Variants in SLIT3 observed in about 807,000 individuals in gnomAD.
The protein encoded by SLIT3 is slit guidance ligand 3, also known as slit homolog 3 protein.
A neutral mutation model predicts 184.0 loss-of-function variants in SLIT3; 68 were observed. That is an observed-to-expected ratio of 0.37 (90% CI 0.30 to 0.45). The LOEUF is 0.45. Among genes scored for constraint, SLIT3 ranks in the 20% least tolerant of loss-of-function variants. The probability of loss-of-function intolerance (pLI) is 1.00; values close to 1 mark genes in which losing one functional copy is unlikely to be tolerated. For missense variants in SLIT3, 1,707 were observed against 2,026.0 expected (o/e 0.84, Z 3.02); for synonymous variants, 831 against 828.6 (o/e 1.00, Z -0.05).
intron 4 of SLIT3, among the ~76,000 whole-genome samples, chr5:169,078,360 T>C (rs997878210): frequency 1.3e-5 from 2 of 152,106 alleles, no homozygotes; most frequent in Non-Finnish European, 1.5e-5. Context: ...TCAGGAACTC[T>C]GGGGGCTGCC....
chr5:168,989,681 A>G (rs535894173), intron 4 of SLIT3, among the ~76,000 whole-genome samples: 1 of 152,338 alleles, frequency 6.6e-6, no homozygotes, highest in South Asian at 2.1e-4. Context: ...AGACCCAGGA[A>G]AGTAATTGGT....
intron 4 of SLIT3, among the ~76,000 whole-genome samples, chr5:169,125,859 C>T (rs1041086306): frequency 1.3e-5 from 2 of 152,214 alleles, no homozygotes; most frequent in Admixed American, 6.5e-5. Context: ...CTCACATTTC[C>T]TGAGCAAAGT....
chr5:168,677,139 T>G (rs548184986), intron 32 of SLIT3, among the ~76,000 whole-genome samples: 1 of 152,266 alleles, frequency 6.6e-6, no homozygotes, highest in South Asian at 2.1e-4. Context: ...TTCAGCCAGG[T>G]CATGCTTTGA....
intron 21 of SLIT3, among the ~76,000 whole-genome samples, chr5:168,724,121 A>G (rs1438823000): frequency 2.0e-5 from 3 of 152,188 alleles, no homozygotes; most frequent in Non-Finnish European, 4.4e-5. Context: ...CGAAGTTGAG[A>G]AATCCTTATC....
At chr5:169,184,300 A>G (rs967539574) in intron 4 of SLIT3, among the ~76,000 whole-genome samples, 5 of 152,260 alleles carry the variant, frequency 3.3e-5, no homozygotes, top group Admixed American at 3.3e-4. Flanking sequence ...ATCATAAGGT[A>G]GGGAAAAAAC....
At position 168,666,750 on chromosome 5, in the gene SLIT3, G is replaced by C. The variant is rs767805075; in HGVS notation, c.4337-61C>G. 12 of 1,611,196 alleles carry C rather than the reference G, an allele frequency of 7.4e-6. No individual in the cohort carries two copies. The African/African-American group carries it at 1.6e-4, about 22-fold the overall frequency. ...TAGGTGGCCAGCAGGACCATGAGCAGTTCCCAGGTAGGCTGCTTTGAAATA... is the reference window on the plus strand; with the variant it reads ...TAGGTGGCCAGCAGGACCATGAGCACTTCCCAGGTAGGCTGCTTTGAAATA... On this transcript the variant is annotated intron_variant, in intron 35 of 35. Transcript: ENST00000519560.
intron 6 of SLIT3, among the ~76,000 whole-genome samples, chr5:168,839,525 A>C (rs1758170213): frequency 6.6e-6 from 1 of 152,170 alleles, no homozygotes; most frequent in Non-Finnish European, 1.5e-5. Context: ...TTTTTATGTA[A>C]GATATCTCAA....
At chr5:168,737,544 T>G (rs1034181556) in intron 20 of SLIT3, among the ~76,000 whole-genome samples, 8 of 152,210 alleles carry the variant, frequency 5.3e-5, no homozygotes, top group African/African-American at 1.9e-4. Context: ...TACAAATCCT[T>G]TCTTCCAATA....
intron 4 of SLIT3, among the ~76,000 whole-genome samples, chr5:168,898,112 C>G (rs989247154): frequency 2.6e-5 from 4 of 152,350 alleles, no homozygotes; most frequent in African/African-American, 9.6e-5. Context: ...AAGGCACATA[C>G]TTAATGTTCA....
chr5:168,780,403 A>G (rs144451270), intron 12 of SLIT3, among the ~76,000 whole-genome samples: 1 of 152,268 alleles, frequency 6.6e-6, no homozygotes, highest in Non-Finnish European at 1.5e-5. Context: ...TTTTCCTAAA[A>G]CAGGGATGGG....
intron 4 of SLIT3, among the ~76,000 whole-genome samples, chr5:168,967,437 C>CTTT (rs540309809): frequency 0.025 from 815 of 32,724 alleles, 313 homozygotes; most frequent in African/African-American, 0.077. Flanking sequence ...CATCTCAAAT[C>CTTT]TTTTTTTTTT....
chr5:168,713,636 G>A (rs1329538848), intron 23 of SLIT3, among the ~76,000 whole-genome samples: 1 of 152,192 alleles, frequency 6.6e-6, no homozygotes, highest in Non-Finnish European at 1.5e-5. Context: ...AAGTACAGAT[G>A]GAATAATAAC....
chr5:168,682,918 A>T (rs1761633381), intron 32 of SLIT3, among the ~76,000 whole-genome samples: 1 of 152,024 alleles, frequency 6.6e-6, no homozygotes, highest in African/African-American at 2.4e-5. Flanking sequence ...TTTAGTAGTC[A>T]TTTTTATTAC....
chr5:168,871,649 T>C (rs1257038427), intron 5 of SLIT3, among the ~76,000 whole-genome samples: 8 of 152,132 alleles, frequency 5.3e-5, no homozygotes, highest in Admixed American at 2.0e-4. Flanking sequence ...AATATGACTT[T>C]TTTTGGGGGC....
At chr5:168,908,948 C>G (rs1254882113) in intron 4 of SLIT3, among the ~76,000 whole-genome samples, 2 of 152,198 alleles carry the variant, frequency 1.3e-5, no homozygotes, top group African/African-American at 4.8e-5. Context: ...CTCATAATGC[C>G]TACCTATCCC....
chr5:169,228,476 G>C (rs922834203), intron 3 of SLIT3, among the ~76,000 whole-genome samples: 3 of 152,110 alleles, frequency 2.0e-5, no homozygotes, highest in Admixed American at 2.0e-4. Flanking sequence ...CCGTCATCAG[G>C]GGCCTCAAAC....
intron 4 of SLIT3, among the ~76,000 whole-genome samples, chr5:169,020,835 A>C (rs984887584): frequency 2.0e-5 from 3 of 152,234 alleles, no homozygotes; most frequent in African/African-American, 7.2e-5. Context: ...CTCACTTTCT[A>C]AAATACCCAC....
intron 3 of SLIT3, among the ~76,000 whole-genome samples, chr5:169,224,973 C>A (rs1764753962): frequency 6.6e-6 from 1 of 152,160 alleles, no homozygotes; most frequent in Non-Finnish European, 1.5e-5. Flanking sequence ...AATGAGCCCC[C>A]ACGTTTGGCC....
chr5:168,807,114 T>G (rs1756995863), intron 8 of SLIT3, among the ~76,000 whole-genome samples: 1 of 152,156 alleles, frequency 6.6e-6, no homozygotes, highest in East Asian at 1.9e-4. Flanking sequence ...TCCAAATGGC[T>G]TCTTTGTCCA....
Sources: allele counts gnomAD v4.1 joint callset (sites outside exome capture counted in the v4.1 genomes callset), GRCh38; gene constraint gnomAD v4.1.1; transcripts MANE v1.5; gene names NCBI Gene and HGNC (gene_info 2026-07-23, HGNC 2026-07-21).